The following FNDC3B variants were observed in gnomAD, a reference collection of about 807,000 sequenced individuals.
FNDC3B encodes fibronectin type III domain containing 3B, also known as fibronectin type III domain-containing protein 3B.
In FNDC3B, 12 loss-of-function variants were observed where a neutral mutation model predicts 151.5. That is an observed-to-expected ratio of 0.08 (90% confidence interval 0.05 to 0.13). FNDC3B has a LOEUF of 0.13. Ranked by LOEUF, FNDC3B falls within the 10% of genes least tolerant of loss-of-function variation. The pLI is 1.00. For synonymous variants in FNDC3B, 528 were observed against 549.0 expected, an observed-to-expected ratio of 0.96 and a Z score of 0.54; for missense variants, 1,214 against 1,505.3, an observed-to-expected ratio of 0.81 and a Z score of 3.20.
intron 25 of FNDC3B, among the ~76,000 whole-genome samples, chr3:172,386,704 G>A (rs76457251): frequency 0.58 from 85,060 of 146,888 alleles, 27,866 homozygotes; most frequent in Non-Finnish European, 0.76. Flanking sequence ...TCGTGCCACT[G>A]CACTCCAGCC....
chr3:172,185,811 A>G (rs1468848845), intron 3 of FNDC3B, among the ~76,000 whole-genome samples: 1 of 152,166 alleles, frequency 6.6e-6, no homozygotes, highest in Non-Finnish European at 1.5e-5. Context: ...ATTATGAGGA[A>G]ATTATACTGC....
intron 1 of FNDC3B, among the ~76,000 whole-genome samples, chr3:172,097,405 C>A (rs1313563417): frequency 6.6e-6 from 1 of 152,200 alleles, no homozygotes; most frequent in African/African-American, 2.4e-5. Context: ...TTCTGTGAGA[C>A]TTGGATAAAA....
intron 3 of FNDC3B, among the ~76,000 whole-genome samples, chr3:172,195,400 T>C (rs576051788): frequency 8.5e-5 from 13 of 152,372 alleles, no homozygotes; most frequent in African/African-American, 3.1e-4. Context: ...ATGTAGCATT[T>C]TTTAAAATGC....
Position 172,329,027 on chromosome 3 carries a change from G to A in FNDC3B, c.1330G>A (p.Ala444Thr). The A allele has an allele frequency of 6.2e-7, 1 of 1,613,796 alleles. No homozygotes were observed. The highest frequency in any genetic ancestry group is 8.5e-7 in the Non-Finnish European group (1 of 1,179,828). The change falls in exon 12 of 26, where the codon GCA becomes ACA. Residue 444 changes from alanine (A) to threonine (T), a missense_variant. By Grantham distance (58) the Ala-to-Thr change is moderately conservative. Around this residue, in one of 7 missense-constraint regions of FNDC3B, gnomAD observed 156 missense variants for 225.3 expected, o/e 0.69. Transcript: ENST00000415807. The stretch of plus-strand genomic sequence containing the variant: ...CTGCAAGTTGACAAAGCTTTGTCCG[G>A]CAATGGGGTACACATTCAGGCTGGC... Reference protein sequence around the residue: ...KHCKLTKLCPAMGYTFRLAAR... With the variant: ...KHCKLTKLCPTMGYTFRLAAR...
At chr3:172,342,791 C>T (rs533220942) in intron 17 of FNDC3B, among the ~76,000 whole-genome samples, 2 of 152,008 alleles carry the variant, frequency 1.3e-5, no homozygotes, top group African/African-American at 4.8e-5. Flanking sequence ...CTTGTTTTTC[C>T]CAGTGCCATA....
intron 2 of FNDC3B, among the ~76,000 whole-genome samples, chr3:172,120,920 C>T (rs1023076095): frequency 4.6e-5 from 7 of 151,848 alleles, no homozygotes; most frequent in Non-Finnish European, 7.4e-5. Flanking sequence ...GCCGAGATTG[C>T]GCCATTGCAC....
chr3:172,233,115 T>C (rs1726970579), intron 4 of FNDC3B, among the ~76,000 whole-genome samples: 1 of 152,336 alleles, frequency 6.6e-6, no homozygotes, highest in South Asian at 2.1e-4. Context: ...CTTAAGCAGA[T>C]GCTTTGAGTT....
At chr3:172,319,386 T>G (rs1731972147) in intron 11 of FNDC3B, among the ~76,000 whole-genome samples, 1 of 152,122 alleles carries the variant, frequency 6.6e-6, no homozygotes, top group East Asian at 1.9e-4. Context: ...AACCTCAATA[T>G]TTGGAGAAAT....
At chr3:172,346,875 TG>T (rs1733640350) in intron 20 of FNDC3B, among the ~76,000 whole-genome samples, 1 of 152,058 alleles carries the variant, frequency 6.6e-6, no homozygotes, top group African/African-American at 2.4e-5. Context: ...GGCTAGTTTT[TG>T]TACTTTTAGT....
intron 1 of FNDC3B, among the ~76,000 whole-genome samples, chr3:172,060,097 G>GT (rs1269127945): frequency 1.3e-5 from 2 of 152,180 alleles, no homozygotes; most frequent in Admixed American, 6.5e-5. Flanking sequence ...TTAAATATCT[G>GT]TTTTTTTGGA....
chr3:172,187,879 C>T (rs1576778236), intron 3 of FNDC3B, among the ~76,000 whole-genome samples: 1 of 152,104 alleles, frequency 6.6e-6, no homozygotes, highest in African/African-American at 2.4e-5. Context: ...CTTGGCCCCC[C>T]AAAGTCCTGG....
chr3:172,377,218 C>T (rs1050156611), intron 23 of FNDC3B, among the ~76,000 whole-genome samples: 7 of 152,208 alleles, frequency 4.6e-5, no homozygotes, highest in African/African-American at 1.7e-4. Context: ...TCCTCAGATG[C>T]TGTGACGAAG....
intron 24 of FNDC3B, among the ~76,000 whole-genome samples, chr3:172,380,301 T>G (rs1035523308): frequency 2.0e-5 from 3 of 152,078 alleles, no homozygotes; most frequent in Non-Finnish European, 2.9e-5. Flanking sequence ...ATATTTTAAG[T>G]GCCTTACTGC....
rs758540048 is a variant in FNDC3B, at chr3:172,343,007, G to A, written c.1972-4G>A. 3.2e-6 allele frequency: 5 copies of A among 1,574,216 alleles called. No homozygotes were observed. Among genetic ancestry groups the A allele is most frequent in the Admixed American group, 1.7e-5 (1 of 59,954 alleles). ...GATGGTTCTCTCTGGTGTTTCTCCTGCAGTGTTCTGAAAGTCTCCCTGTTC... is the reference window on the plus strand; with the variant it reads ...GATGGTTCTCTCTGGTGTTTCTCCTACAGTGTTCTGAAAGTCTCCCTGTTC... On this transcript the variant is annotated splice_polypyrimidine_tract_variant and splice_region_variant and intron_variant, in intron 17 of 25. Coordinates refer to ENST00000415807, the MANE Select transcript of FNDC3B (RefSeq NM_022763.4).
At chr3:172,206,173 C>T (rs2108699338) in intron 3 of FNDC3B, among the ~76,000 whole-genome samples, 1 of 152,214 alleles carries the variant, frequency 6.6e-6, no homozygotes, top group Non-Finnish European at 1.5e-5. Context: ...TGGCCAGTTT[C>T]AGATGATTTT....
chr3:172,203,176 G>A (rs375404632), intron 3 of FNDC3B, among the ~76,000 whole-genome samples: 69 of 152,136 alleles, frequency 4.5e-4, no homozygotes, highest in African/African-American at 1.6e-3. Context: ...CTAACATCCT[G>A]GAGGACATTG....
chr3:172,356,157 T>G (rs959925613), intron 22 of FNDC3B, among the ~76,000 whole-genome samples: 1 of 152,196 alleles, frequency 6.6e-6, no homozygotes, highest in African/African-American at 2.4e-5. Flanking sequence ...TCATAAATCA[T>G]TTTGTCATAA....
At chr3:172,262,613 T>C (rs1049570974) in intron 6 of FNDC3B, among the ~76,000 whole-genome samples, 1 of 151,926 alleles carries the variant, frequency 6.6e-6, no homozygotes. Context: ...ATTTTTTGTT[T>C]TAAGTTAAAA....
intron 25 of FNDC3B, among the ~76,000 whole-genome samples, chr3:172,394,044 C>G (rs924419559): frequency 1.6e-5 from 2 of 128,108 alleles, no homozygotes; most frequent in Non-Finnish European, 1.6e-5. Context: ...GGAGGCGGAG[C>G]TTGCAGTGAG....
Sources: gnomAD v4.1 joint callset for allele counts (sites outside exome capture counted in the v4.1 genomes callset) on GRCh38, gnomAD v4.1.1 for gene constraint, gnomAD v4.1.1 regional missense constraint, MANE v1.5 for transcripts, NCBI Gene and HGNC (gene_info 2026-07-23, HGNC 2026-07-21) for gene names.